DEFB125: variants seen among roughly 807,000 people sequenced by gnomAD.
DEFB125 encodes beta-defensin 125.
In DEFB125, 11 loss-of-function variants were observed where a neutral mutation model predicts 11.8. That is an observed-to-expected ratio of 0.94 (90% CI 0.59 to 1.55). DEFB125 has a LOEUF of 1.55. Among genes scored for constraint, DEFB125 ranks in the 40% most tolerant of loss-of-function variants. DEFB125 has a pLI of 0.00. For missense variants in DEFB125, 198 were observed against 191.2 expected (o/e 1.04, Z -0.21); for synonymous variants, 79 against 66.7 (o/e 1.18, Z -0.90).
chr20:95,034 A>G (rs1281881269), intron 1 of DEFB125, among the ~76,000 whole-genome samples: 2 of 152,198 alleles, frequency 1.3e-5, no homozygotes, highest in African/African-American at 4.8e-5. Flanking sequence ...CATGATAATA[A>G]CAGGTTATAA....
chr20:95,238 A>G (rs2054510511), intron 1 of DEFB125, among the ~76,000 whole-genome samples: 1 of 152,120 alleles, frequency 6.6e-6, no homozygotes, highest in Non-Finnish European at 1.5e-5. Context: ...GGTCCTTTTA[A>G]GTCGTTTCCT....
rs539654654 is a variant in DEFB125, at chr20:95,396, A to G, written c.59-609A>G. On this transcript the variant is annotated intron_variant, in intron 1 of 1. Transcript: ENST00000382410. ...TAAGCAATCACATTTATTGATTTGC[A>G]TATGTCGAACCAACCTTGCATTCCA... 6.6e-5 allele frequency among the ~76,000 whole-genome samples: 10 copies of G among 152,272 alleles called. No individual in the cohort carries two copies. The East Asian group carries it at 1.7e-3, about 26-fold the overall frequency.
At chr20:94,050 G>C (rs1052980026) in intron 1 of DEFB125, among the ~76,000 whole-genome samples, 3 of 151,472 alleles carry the variant, frequency 2.0e-5, no homozygotes, top group Non-Finnish European at 4.4e-5. Context: ...GCACCTTCAG[G>C]ACCTGATGCC....
At chr20:90,713 CCTA>C (rs2054493137) in intron 1 of DEFB125, among the ~76,000 whole-genome samples, 1 of 152,208 alleles carries the variant, frequency 6.6e-6, no homozygotes, top group African/African-American at 2.4e-5. Flanking sequence ...CACCTCATCT[CCTA>C]CTATTATAGT....
rs930229039 is a variant in DEFB125 at position 96,753 on chromosome 20, A to G, written c.*336A>G. ...TTTTTCCATGCCAAAAACAAAAACG[A>G]AGACCATTGTTTGGAGCTGCCTCTT... On this transcript the variant is annotated 3_prime_UTR_variant, in exon 2 of 2. Coordinates refer to ENST00000382410, the MANE Select transcript of DEFB125 (RefSeq NM_153325.4). 2.0e-4 allele frequency: 46 copies of G among 231,068 alleles called. No individual in the cohort carries two copies. The highest frequency in any genetic ancestry group is 5.1e-5 in the Non-Finnish European group (6 of 118,396). 14.3% of individuals were successfully genotyped at this position (231,068 alleles called of 1,614,324 possible).
At chr20:91,085 CTGTT>C (rs2054494481) in intron 1 of DEFB125, among the ~76,000 whole-genome samples, 1 of 152,136 alleles carries the variant, frequency 6.6e-6, no homozygotes, top group Non-Finnish European at 1.5e-5. Context: ...TACCTGATGG[CTGTT>C]TGTATGTCTT....
intron 1 of DEFB125, among the ~76,000 whole-genome samples, chr20:95,239 G>A (rs139900257): frequency 5.5e-4 from 83 of 152,160 alleles, no homozygotes; most frequent in African/African-American, 1.9e-3. Flanking sequence ...GTCCTTTTAA[G>A]TCGTTTCCTC....
Position 92,024 on chromosome 20 carries a change from G to A in DEFB125, c.59-3981G>A, listed in dbSNP as rs145517066. Among the ~76,000 whole-genome samples the A allele has an allele frequency of 2.4e-3, 364 of 152,142 alleles. 2 individuals are homozygous for A. Among genetic ancestry groups the A allele is most frequent in the African/African-American group, 8.1e-3 (336 of 41,512 alleles). ...GGACTAGAGCCAACATTTCCCAGAG[G>A]ATAAAATATAAACCAAATTATTGTG... On this transcript the variant is annotated intron_variant, in intron 1 of 1. Coordinates refer to ENST00000382410, the MANE Select transcript of DEFB125 (RefSeq NM_153325.4).
chr20:93,834 T>C (rs2054505120), intron 1 of DEFB125, among the ~76,000 whole-genome samples: 1 of 152,178 alleles, frequency 6.6e-6, no homozygotes, highest in South Asian at 2.1e-4. Flanking sequence ...CTGTCAACTA[T>C]GGGGGAAGCT....
chr20:96,460 G>A lies in DEFB125; in HGVS notation c.*43G>A. ...TATGGAACAACTAGAAATACTGCTG[G>A]AAATAATATCCAAAGAGCTGATTCT... On this transcript the variant is annotated 3_prime_UTR_variant, in exon 2 of 2. Coordinates refer to ENST00000382410, the MANE Select transcript of DEFB125 (RefSeq NM_153325.4). 6.4e-7 allele frequency: 1 copy of A among 1,557,602 alleles called. No individual in the cohort carries two copies. Among genetic ancestry groups the A allele is most frequent in the Non-Finnish European group, 8.7e-7 (1 of 1,155,546 alleles).
intron 1 of DEFB125, among the ~76,000 whole-genome samples, chr20:94,427 A>G (rs2054507325): frequency 6.6e-6 from 1 of 151,940 alleles, no homozygotes; most frequent in South Asian, 2.1e-4. Flanking sequence ...GGTGGTGGGG[A>G]TGGTTTCAGG....
At chr20:94,281 G>A (rs527435237) in intron 1 of DEFB125, among the ~76,000 whole-genome samples, 6 of 152,064 alleles carry the variant, frequency 3.9e-5, no homozygotes, top group South Asian at 4.2e-4. Flanking sequence ...ATTCAGAATC[G>A]TCTCTTCTAG....
intron 1 of DEFB125, among the ~76,000 whole-genome samples, chr20:91,247 C>T (rs1430863806): frequency 6.6e-6 from 1 of 152,126 alleles, no homozygotes; most frequent in African/African-American, 2.4e-5. Flanking sequence ...AATATTTTCT[C>T]CTACTCTGTG....
intron 1 of DEFB125, among the ~76,000 whole-genome samples, chr20:90,071 G>C (rs2122974740): frequency 6.6e-6 from 1 of 152,270 alleles, no homozygotes; most frequent in South Asian, 2.1e-4. Context: ...GTTGATGCTA[G>C]CTGATTATAT....
chr20:92,155 T>C (rs1178524994), intron 1 of DEFB125, among the ~76,000 whole-genome samples: 3 of 152,198 alleles, frequency 2.0e-5, no homozygotes, highest in East Asian at 3.8e-4. Flanking sequence ...TCTGCACATA[T>C]ACCAGGCTTC....
intron 1 of DEFB125, among the ~76,000 whole-genome samples, chr20:90,090 T>C (rs2054490908): frequency 6.6e-6 from 1 of 152,230 alleles, no homozygotes; most frequent in Admixed American, 6.5e-5. Context: ...ATATCTGGTA[T>C]GTTTTAGAAA....
rs539718390 is a variant in DEFB125, at chr20:94,781, T to A, written c.59-1224T>A. Reference sequence around the variant, plus strand: ...TATCCTCCTTTCCCTTCCCAGCCTCTAGTAATCATTATTCTACAGTCTACT... The same window carrying A: ...TATCCTCCTTTCCCTTCCCAGCCTCAAGTAATCATTATTCTACAGTCTACT... On this transcript the variant is annotated intron_variant, in intron 1 of 1. Transcript: ENST00000382410. 1.2e-4 allele frequency among the ~76,000 whole-genome samples: 18 copies of A among 152,346 alleles called. 1 individual carries two copies. The South Asian group carries it at 3.5e-3, about 30-fold the overall frequency.
chr20:96,237 T>C lies in DEFB125; in HGVS notation c.291T>C (p.Asn97=). 6.2e-7 allele frequency: 1 copy of C among 1,614,176 alleles called. No individual in the cohort carries two copies. The stretch of plus-strand genomic sequence containing the variant: ...CTGGTTCCCCAGTATCTATGTTGAA[T>C]GATCTGATAACATTTGACACAACTA... ...SFTGSPVSML[N]DLITFDTTKF... is the part of the protein sequence containing the mutation. The change falls in exon 2 of 2, where the codon AAT becomes AAC. Residue 97 remains asparagine (N), a synonymous_variant. Coordinates refer to ENST00000382410, the MANE Select transcript of DEFB125 (RefSeq NM_153325.4).
intron 1 of DEFB125, among the ~76,000 whole-genome samples, chr20:94,237 C>A (rs562051809): frequency 6.6e-6 from 1 of 152,018 alleles, no homozygotes; most frequent in African/African-American, 2.4e-5. Context: ...ATATCTATCA[C>A]CTCAAACATT....
Sources: gnomAD v4.1 joint callset for allele counts (sites outside exome capture counted in the v4.1 genomes callset) on GRCh38, gnomAD v4.1.1 for gene constraint, MANE v1.5 for transcripts, NCBI Gene and HGNC (gene_info 2026-07-23, HGNC 2026-07-21) for gene names.